The following TOMM40 variants were observed in gnomAD, a reference collection of about 807,000 sequenced individuals.
TOMM40 encodes translocase of outer mitochondrial membrane 40, also known as mitochondrial import receptor subunit TOM40 homolog.
Under a neutral mutation model 38.4 loss-of-function variants are expected in TOMM40, and 9 were observed. That is an observed-to-expected ratio of 0.23 (90% CI 0.14 to 0.41). TOMM40 has a LOEUF of 0.41. Among genes scored for constraint, TOMM40 ranks in the 10% least tolerant of loss-of-function variants. The pLI, the probability that TOMM40 is intolerant of heterozygous loss-of-function variation, is 1.00. For synonymous variants in TOMM40, 184 were observed against 210.0 expected, an observed-to-expected ratio of 0.88 and a Z score of 1.07; for missense variants, 299 against 486.5, an observed-to-expected ratio of 0.61 and a Z score of 3.63.
At chr19:44,895,727 A>C (rs1221226941) in intron 5 of TOMM40, among the ~76,000 whole-genome samples, 3 of 151,916 alleles carry the variant, frequency 2.0e-5, no homozygotes, top group Non-Finnish European at 2.9e-5. Context: ...TTGTATTTTT[A>C]GTAGAGACAG....
rs1568604761 is a variant in TOMM40, at chr19:44,891,415, C to G, written c.-1C>G. ...TCTGACCTCTCCCCTAGCAGGCGAC[C>G]ATGGGGAACGTGTTGGCTGCCAGCT... On this transcript the variant is annotated 5_prime_UTR_variant, in exon 1 of 9. Coordinates refer to ENST00000426677, the MANE Select transcript of TOMM40 (RefSeq NM_001128917.2). 5.4e-6 allele frequency: 7 copies of G among 1,289,374 alleles called. No homozygotes were observed. Among genetic ancestry groups the G allele is most frequent in the Non-Finnish European group, 6.8e-6 (7 of 1,022,540 alleles). 79.9% of individuals were successfully genotyped at this position (1,289,374 alleles called of 1,614,324 possible). A position where few individuals can be genotyped will look rare whatever the true frequency, so the allele number is the denominator to read the frequency against.
At chr19:44,893,004 C>A in intron 3 of TOMM40, 75 bp downstream of exon 3, 2 of 1,299,266 alleles carry the variant, frequency 1.5e-6, no homozygotes, top group Non-Finnish European at 2.2e-6. Flanking sequence ...GCTAAGACGG[C>A]CTCATCAGGA....
chr19:44,895,181 G>C (rs1969542341), intron 5 of TOMM40, among the ~76,000 whole-genome samples: 1 of 152,112 alleles, frequency 6.6e-6, no homozygotes, highest in East Asian at 1.9e-4. Flanking sequence ...GGTTGGCCTT[G>C]GACCCCTGGG....
rs773086914 is a variant in TOMM40 at position 44,892,821 on chromosome 19, C to T, written c.343-16C>T. ...CTATCTGTCCAGTATCGTCACAGCT[C>T]TCGCTTTCCTTCCAGGTCAACCACA... On this transcript the variant is annotated splice_polypyrimidine_tract_variant and intron_variant, in intron 2 of 8. Transcript: ENST00000426677. 2 of 1,602,668 alleles carry T rather than the reference C, an allele frequency of 1.2e-6. No individual in the cohort carries two copies. Among genetic ancestry groups the T allele is most frequent in the South Asian group, 1.1e-5 (1 of 90,786 alleles).
At chr19:44,895,442 C>G (rs1969547151) in intron 5 of TOMM40, among the ~76,000 whole-genome samples, 2 of 152,034 alleles carry the variant, frequency 1.3e-5, no homozygotes, top group Admixed American at 1.3e-4. Flanking sequence ...TCTGTAGGGG[C>G]CCCATGAGGA....
intron 8 of TOMM40, 52 bp downstream of exon 8, chr19:44,901,362 C>T: frequency 6.3e-7 from 1 of 1,577,892 alleles, no homozygotes; most frequent in Non-Finnish European, 8.6e-7. Flanking sequence ...TGACTCAACT[C>T]TGAGTGGATG....
At chr19:44,900,949 C>G in intron 6 of TOMM40, 79 bp from the exon 7 acceptor site, 2 of 1,609,762 alleles carry the variant, frequency 1.2e-6, no homozygotes, top group Non-Finnish European at 1.7e-6. Context: ...ACACTCAGGT[C>G]TGAGGGAGGA....
At chr19:44,899,261 C>G (rs1368499706) in intron 5 of TOMM40, among the ~76,000 whole-genome samples, 5 of 151,998 alleles carry the variant, frequency 3.3e-5, no homozygotes, top group African/African-American at 1.2e-4. Flanking sequence ...ATCCTCCTGC[C>G]TCAGCCTCCC....
At chr19:44,894,540 G>A (rs1201226284) in intron 5 of TOMM40, among the ~76,000 whole-genome samples, 1 of 152,154 alleles carries the variant, frequency 6.6e-6, no homozygotes, top group Non-Finnish European at 1.5e-5. Context: ...GGGATTACAG[G>A]TGTGAGCCAC....
chr19:44,899,112 G>A (rs564925408), intron 5 of TOMM40, among the ~76,000 whole-genome samples: 14 of 143,180 alleles, frequency 9.8e-5, no homozygotes, highest in Middle Eastern at 3.4e-3. Context: ...CAGCCTGGGC[G>A]ACAGAGCGAG....
chr19:44,898,511 CTTTTTTTTTTTTTCT>C (rs1206278426), intron 5 of TOMM40, among the ~76,000 whole-genome samples: 2 of 98,538 alleles, frequency 2.0e-5, no homozygotes, highest in African/African-American at 4.2e-5. Context: ...TGTGTTGTTT[CTTTTTTTTTTTTTCT>C]TTTTTTTTTT....
chr19:44,894,858 C>T (rs1017634145), intron 5 of TOMM40, among the ~76,000 whole-genome samples: 1 of 152,158 alleles, frequency 6.6e-6, no homozygotes, highest in Non-Finnish European at 1.5e-5. Context: ...CTGGGGCTTT[C>T]GGAAACCAAG....
chr19:44,893,705 C>T, intron 3 of TOMM40, 75 bp from the exon 4 acceptor site: 1 of 1,278,528 alleles, frequency 7.8e-7, no homozygotes, highest in East Asian at 2.6e-5. Flanking sequence ...TGACCCTAGG[C>T]TTCTCACCCC....
intron 5 of TOMM40, among the ~76,000 whole-genome samples, chr19:44,894,469 T>G (rs1969529192): frequency 6.6e-6 from 1 of 151,896 alleles, no homozygotes; most frequent in South Asian, 2.1e-4. Context: ...ACCACATTGG[T>G]CAGGCTGGTC....
rs1443183118 is a variant in TOMM40 at position 44,891,578 on chromosome 19, G to A, written c.163G>A (p.Glu55Lys). The A allele has an allele frequency of 1.3e-5, 19 of 1,456,654 alleles. No homozygotes were observed. Among genetic ancestry groups the A allele is most frequent in the Non-Finnish European group, 1.5e-5 (17 of 1,106,570 alleles). The allele number at this position is 1,456,654 out of a possible 1,614,324, so 90.2% of individuals were successfully genotyped here. The change falls in exon 1 of 9, where the codon GAA becomes AAA. Residue 55 changes from glutamate to lysine, a missense_variant. Transcript: ENST00000426677. ...GAGTSTSRSS[E>K]RTPGAATASA... ...CGGCACCAGTACGAGTCGAAGTTCG[G>A]AACGGACCCCCGGGGCTGCAACCGC...
intron 2 of TOMM40, 51 bp from the exon 3 acceptor site, chr19:44,892,786 G>C: frequency 6.7e-7 from 1 of 1,494,358 alleles, no homozygotes; most frequent in Non-Finnish European, 9.3e-7. Flanking sequence ...GCCCTCTTCA[G>C]TGGGCAAGCC....
At position 44,891,573 on chromosome 19, in the gene TOMM40, G is replaced by A. The variant is rs946162672; in HGVS notation, c.158G>A (p.Ser53Asn). 5 of 1,451,676 alleles carry A rather than the reference G, an allele frequency of 3.4e-6. No individual in the cohort carries two copies. Among genetic ancestry groups the A allele is most frequent in the Non-Finnish European group, 4.5e-6 (5 of 1,103,550 alleles). The allele number at this position is 1,451,676 out of a possible 1,614,324, so 89.9% of individuals were successfully genotyped here. A position where few individuals can be genotyped will look rare whatever the true frequency, so the allele number is the denominator to read the frequency against. Residue 53 changes from serine (S) to asparagine (N), a missense_variant, in exon 1 of 9, where the codon AGT (serine) becomes AAT (asparagine). Physicochemically the swap from Ser to Asn is conservative, Grantham distance 46 (BLOSUM62 1). Transcript: ENST00000426677. ...SLGAGTSTSRSSERTPGAATA... is the reference protein window; with the variant it reads ...SLGAGTSTSRNSERTPGAATA... ...GGCGCCGGCACCAGTACGAGTCGAA[G>A]TTCGGAACGGACCCCCGGGGCTGCA...
At chr19:44,892,516 T>TG (rs1288036094) in intron 2 of TOMM40, 56 bp downstream of exon 2, 1 of 1,527,432 alleles carries the variant, frequency 6.5e-7, no homozygotes, top group Non-Finnish European at 9.1e-7. Flanking sequence ...TCCCCCTCCC[T>TG]GCATCTGCAC....
Position 44,894,079 on chromosome 19 carries a change from G to C in TOMM40, c.643+13G>C. 1 of 1,487,652 alleles carries C rather than the reference G, an allele frequency of 6.7e-7. No homozygotes were observed. The allele number at this position is 1,487,652 out of a possible 1,614,324, so 92.2% of individuals were successfully genotyped here. ...CTCGTGGGTTCAGGTAAGAGGCGGA[G>C]GGCTTGGAGGGTGGTCACAAAACTG... On this transcript the variant is annotated intron_variant, in intron 5 of 8. Transcript: ENST00000426677.
Sources: gnomAD v4.1 joint callset for allele counts (sites outside exome capture counted in the v4.1 genomes callset) on GRCh38, gnomAD v4.1.1 for gene constraint, MANE v1.5 for transcripts, NCBI Gene and HGNC (gene_info 2026-07-23, HGNC 2026-07-21) for gene names.